The following WDR62 variants were observed in gnomAD, a reference collection of about 807,000 sequenced individuals.
WDR62 encodes the protein WD repeat-containing protein 62.
A neutral mutation model predicts 160.6 loss-of-function variants in WDR62; 112 were observed. The observed-to-expected ratio is 0.70, with a 90% confidence interval of 0.60 to 0.82. WDR62 has a LOEUF of 0.82. Among genes scored for constraint, WDR62 ranks in the 40% least tolerant of loss-of-function variants. The pLI is 0.00. For missense variants in WDR62, 1,819 were observed against 1,983.8 expected (o/e 0.92, Z 1.58); for synonymous variants, 792 against 815.1 (o/e 0.97, Z 0.48).
chr19:36,105,597 G>A (rs1351737260), downstream of WDR62, among the ~76,000 whole-genome samples: 4 of 151,990 alleles, frequency 2.6e-5, no homozygotes, highest in Non-Finnish European at 4.4e-5. Flanking sequence ...CTATAATCCC[G>A]GCTACTCAGG....
At chr19:36,111,130 G>A in the WDR62 span, 8 of 1,297,434 alleles carry the variant, frequency 6.2e-6, no homozygotes, top group South Asian at 2.8e-5. Flanking sequence ...TCCCACCAGG[G>A]ATAGTCATCC....
chr19:36,097,182 T>G, intron 21 of WDR62, 103 bp downstream of exon 21: 5 of 1,123,980 alleles, frequency 4.4e-6, no homozygotes, highest in Non-Finnish European at 6.6e-6. Flanking sequence ...CTCTTTTCCC[T>G]GGAGAAGCCC....
At chr19:36,087,496 G>A (rs561188933) in intron 13 of WDR62, among the ~76,000 whole-genome samples, 1 of 149,642 alleles carries the variant, frequency 6.7e-6, no homozygotes, top group East Asian at 2.0e-4. Context: ...GGGTGACAAT[G>A]CGAGACTTTG....
intron 13 of WDR62, among the ~76,000 whole-genome samples, chr19:36,087,904 C>T (rs1198081645): frequency 6.6e-6 from 1 of 152,156 alleles, no homozygotes; most frequent in Non-Finnish European, 1.5e-5. Context: ...TGAACTAGGA[C>T]GTTGTTGATA....
intron 3 of WDR62, among the ~76,000 whole-genome samples, chr19:36,065,732 G>T (rs1365897093): frequency 2.6e-5 from 4 of 152,246 alleles, no homozygotes; most frequent in Non-Finnish European, 5.9e-5. Context: ...TTTGGGTTTG[G>T]TGTCTCAGGG....
At chr19:36,069,754 C>T (rs1463202971) in intron 7 of WDR62, among the ~76,000 whole-genome samples, 1 of 152,228 alleles carries the variant, frequency 6.6e-6, no homozygotes, top group Admixed American at 6.5e-5. Context: ...CTCGGGAGGC[C>T]GAGGCTGGCG....
chr19:36,084,505 T>G, intron 11 of WDR62, 148 bp from the exon 12 acceptor site: 6 of 751,460 alleles, frequency 8.0e-6, no homozygotes, highest in Non-Finnish European at 1.4e-5. Context: ...GGTTTCTAAA[T>G]GAGAAAAGTG....
chr19:36,104,540 C>T lies in WDR62; in HGVS notation c.4176C>T (p.Gly1392=), dbSNP rs371325489. The part of the protein sequence containing the change: ...PTSGALGLLQ[G]SPARWSEPWV... The stretch of plus-strand genomic sequence containing the variant: ...CAGGTGCACTTGGTCTGTTACAGGG[C>T]AGCCCTGCCCGCTGGAGTGAGCCCT... Residue 1392 remains glycine (G), a synonymous_variant, in exon 31 of 32, where the codon GGC becomes GGT. Transcript: ENST00000401500. 1 of 1,613,904 alleles carries T rather than the reference C, an allele frequency of 6.2e-7. No homozygotes were observed. The highest frequency in any genetic ancestry group is 1.1e-5 in the South Asian group (1 of 91,086).
chr19:36,102,489 T>A lies in WDR62; in HGVS notation c.3221-248T>A. On this transcript the variant is annotated intron_variant, in intron 26 of 31. Transcript: ENST00000401500. ...GTTGGCCAGACTGGTCTCAAACTCCTGCCTCAGATGATCTGCCCGCCTTGG... is the reference window on the plus strand; with the variant it reads ...GTTGGCCAGACTGGTCTCAAACTCCAGCCTCAGATGATCTGCCCGCCTTGG... 3 of 590,282 alleles carry A rather than the reference T, an allele frequency of 5.1e-6. No homozygotes were observed. In the South Asian group the frequency reaches 6.0e-5, roughly 12 times the overall value. The allele number at this position is 590,282 out of a possible 1,614,324, so 36.6% of individuals were successfully genotyped here. A position where few individuals can be genotyped will look rare whatever the true frequency, so the allele number is the denominator to read the frequency against.
In WDR62 at chr19:36,102,100, G is replaced by A. The variant is rs2145866095; in HGVS notation, c.3169G>A (p.Glu1057Lys). ...SSSLPQTPEQEKFLRHHFETL... is the reference protein window; with the variant it reads ...SSSLPQTPEQKKFLRHHFETL... ...CTCCCTACCCCAGACTCCGGAGCAG[G>A]AGAAGTTCCTCCGCCACCACTTTGA... The change falls in exon 26 of 32, where the codon GAG (glutamate) becomes AAG (lysine). Residue 1057 changes from glutamate to lysine, a missense_variant. Physicochemically the swap from Glu to Lys is moderately conservative, Grantham distance 56 (BLOSUM62 1). Coordinates refer to ENST00000401500, the MANE Select transcript of WDR62 (RefSeq NM_001083961.2). 1.2e-6 allele frequency: 2 copies of A among 1,614,112 alleles called. No individual in the cohort carries two copies. Among genetic ancestry groups the A allele is most frequent in the Non-Finnish European group, 1.7e-6 (2 of 1,180,000 alleles).
rs35753706 is a variant in WDR62, at chr19:36,085,414, C to CTTTTTTTTTTTTTTTTTTT, written c.1642+675_1642+693dup. ...TAGGGCATGAGCCACCACACCTGAC[C>CTTTTTTTTTTTTTTTTTTT]TTTTTTTTTTTTTTTTTTTTTTTGA... is the stretch of plus-strand genomic sequence containing the variant. On this transcript the variant is annotated intron_variant, in intron 12 of 31. Transcript: ENST00000401500. Among the ~76,000 whole-genome samples the CTTTTTTTTTTTTTTTTTTT allele has an allele frequency of 1.0e-3, 72 of 70,392 alleles. 10 individuals carry two copies. The highest frequency in any genetic ancestry group is 2.6e-3 in the African/African-American group (55 of 21,460). 46.2% of individuals were successfully genotyped at this position (70,392 alleles called of 152,430 possible).
In WDR62 at chr19:36,100,771, C is replaced by T. The variant is rs142747442; in HGVS notation, c.2763C>T (p.Gly921=). ...AGTCAGAGAGTCCCCAGGAAGCTGG[C>T]CGCGGGCACCCCTCCTTCCTGCCCC... ...LSESESPQEA[G]RGHPSFLPQQ... is the part of the protein sequence containing the mutation. The change falls in exon 23 of 32, where the codon GGC becomes GGT. Residue 921 remains glycine, a synonymous_variant. Coordinates refer to ENST00000401500, the MANE Select transcript of WDR62 (RefSeq NM_001083961.2). 3 of 1,614,168 alleles carry T rather than the reference C, an allele frequency of 1.9e-6. No individual in the cohort carries two copies. The highest frequency in any genetic ancestry group is 1.7e-5 in the Admixed American group (1 of 60,032).
chr19:36,077,077 G>A (rs1426328737), intron 9 of WDR62, among the ~76,000 whole-genome samples: 6 of 151,984 alleles, frequency 3.9e-5, no homozygotes, highest in Non-Finnish European at 8.8e-5. Context: ...CACTTACAGT[G>A]TCATGCAGCC....
intron 7 of WDR62, among the ~76,000 whole-genome samples, chr19:36,069,096 G>T (rs527346341): frequency 6.7e-6 from 1 of 150,296 alleles, no homozygotes; most frequent in African/African-American, 2.4e-5. Flanking sequence ...CCTCCCTCCC[G>T]GACGGAGCGG....
At chr19:36,105,221 G>A (rs908680005), downstream of WDR62, 1 of 701,422 alleles carries the variant, frequency 1.4e-6, no homozygotes, top group Admixed American at 2.8e-5. Context: ...GAGAGCATGG[G>A]ACCAGCGCTC....
intron 10 of WDR62, 184 bp downstream of exon 10, chr19:36,081,754 T>A: frequency 2.6e-6 from 2 of 767,576 alleles, no homozygotes; most frequent in Non-Finnish European, 4.5e-6. Context: ...CTGCCCCCTC[T>A]CTGAGGTGGC....
chr19:36,093,998 T>C, intron 19 of WDR62, 33 bp from the exon 20 acceptor site: 1 of 1,612,886 alleles, frequency 6.2e-7, no homozygotes, highest in Non-Finnish European at 8.5e-7. Context: ...TTTGCCTGTA[T>C]TCTCTCCTTA....
intron 3 of WDR62, among the ~76,000 whole-genome samples, chr19:36,063,411 G>T (rs1333088151): frequency 6.6e-6 from 1 of 151,514 alleles, no homozygotes; most frequent in South Asian, 2.1e-4. Context: ...ACCGTGCCTG[G>T]CTAATTTTTG....
At chr19:36,070,012 GGGGAGA>G (rs915379763) in intron 7 of WDR62, among the ~76,000 whole-genome samples, 2 of 113,008 alleles carry the variant, frequency 1.8e-5, no homozygotes, top group African/African-American at 4.1e-5. Flanking sequence ...GGGAGACCGT[GGGGAGA>G]GGGAGAGGGA....
Sources: allele counts gnomAD v4.1 joint callset (sites outside exome capture counted in the v4.1 genomes callset), GRCh38; gene constraint gnomAD v4.1.1; transcripts MANE v1.5; gene names NCBI Gene and HGNC (gene_info 2026-07-23, HGNC 2026-07-21).